Variants in ZNF541 observed in about 807,000 individuals in gnomAD.
The protein encoded by ZNF541 is zinc finger protein 541.
ZNF541 carries 23 observed loss-of-function variants against 123.5 expected under a neutral mutation model. The observed-to-expected ratio is 0.19, with a 90% CI of 0.13 to 0.26. ZNF541 has a LOEUF of 0.26. ZNF541 is among the 10% of genes least tolerant of loss of function. ZNF541 has a pLI of 1.00. For synonymous variants in ZNF541, 751 were observed against 754.5 expected (o/e 1.00, Z 0.08); for missense variants, 1,612 against 1,789.9 (o/e 0.90, Z 1.79).
intron 4 of ZNF541, 91 bp downstream of exon 4, chr19:47,549,154 G>C (rs1970492069): frequency 1.3e-6 from 2 of 1,514,748 alleles, no homozygotes; most frequent in Admixed American, 4.0e-5. Flanking sequence ...CGAGACAGCA[G>C]GTTGATCTGG....
chr19:47,545,253 T>C lies in ZNF541; in HGVS notation c.1276A>G (p.Lys426Glu), dbSNP rs572583087. The C allele has an allele frequency of 7.7e-6, 12 of 1,548,748 alleles. No homozygotes were observed. In the East Asian group the frequency reaches 2.2e-4, roughly 28 times the overall value. ...TGGACAACAAACACGTTGTTGCCTT[T>C]GCTTTTGGGACAGCCCGGCAGGTTC... ...LRNLPGCPKS[K>E]GNNVFVVHKP... Residue 426 changes from lysine to glutamate, a missense_variant, in exon 5 of 17, where the codon AAA (lysine) becomes GAA (glutamate). Coordinates refer to ENST00000391901, the MANE Select transcript of ZNF541 (RefSeq NM_001277075.3). The surrounding 1 kb of genome is among the most constrained non-coding windows in gnomAD (Gnocchi z 7.5).
chr19:47,544,928 G>A lies in ZNF541; in HGVS notation c.1601C>T (p.Ala534Val). 1 of 1,535,626 alleles carries A rather than the reference G, an allele frequency of 6.5e-7. No individual in the cohort carries two copies. Among genetic ancestry groups the A allele is most frequent in the Non-Finnish European group, 8.7e-7 (1 of 1,146,720 alleles). The change falls in exon 5 of 17, where the codon GCC becomes GTC. Residue 534 changes from alanine (A) to valine (V), a missense_variant. Around this residue, in one of 5 missense-constraint regions of ZNF541, gnomAD observed 1,080 missense variants for 1,013.8 expected, o/e 1.07. Coordinates refer to ENST00000391901, the MANE Select transcript of ZNF541 (RefSeq NM_001277075.3). Reference protein sequence around the residue: ...AQKAGGLPADASPLFRQLFLK... With the variant: ...AQKAGGLPADVSPLFRQLFLK... Reference sequence around the variant, plus strand: ...GAAGAGCTGGCGGAAGAGCGGCGAGGCATCCGCAGGGAGCCCGCCTGCCTT... The same window carrying A: ...GAAGAGCTGGCGGAAGAGCGGCGAGACATCCGCAGGGAGCCCGCCTGCCTT...
At chr19:47,556,486 T>C (rs751459771) in intron 2 of ZNF541, among the ~76,000 whole-genome samples, 7 of 152,166 alleles carry the variant, frequency 4.6e-5, no homozygotes, top group Non-Finnish European at 7.3e-5. Context: ...ATGGATAATT[T>C]TTTTTAAGAT....
At chr19:47,533,841 T>A (rs1599961481) in intron 9 of ZNF541, among the ~76,000 whole-genome samples, 1 of 151,770 alleles carries the variant, frequency 6.6e-6, no homozygotes, top group East Asian at 1.9e-4. Flanking sequence ...CTCAAAAAAA[T>A]AAAAAATAAA....
At chr19:47,557,992 G>A (rs969022135) in intron 2 of ZNF541, among the ~76,000 whole-genome samples, 1 of 151,870 alleles carries the variant, frequency 6.6e-6, no homozygotes, top group Non-Finnish European at 1.5e-5. Context: ...AAATGGGCAG[G>A]GGGAGTGGGG....
chr19:47,545,239 C>G lies in ZNF541; in HGVS notation c.1290G>C (p.Val430=). The change falls in exon 5 of 17, where the codon GTG becomes GTC. Residue 430 remains valine, a synonymous_variant. Coordinates refer to ENST00000391901, the MANE Select transcript of ZNF541 (RefSeq NM_001277075.3). This position sits in a 1 kb window ranked among gnomAD's most constrained non-coding sequence, Gnocchi z 7.5. ...CGGCCGAGGGCTTGTGGACAACAAA[C>G]ACGTTGTTGCCTTTGCTTTTGGGAC... is the stretch of plus-strand genomic sequence containing the variant. ...PGCPKSKGNN[V]FVVHKPSAVP... 6.5e-7 allele frequency: 1 copy of G among 1,547,476 alleles called. No individual in the cohort carries two copies. Among genetic ancestry groups the G allele is most frequent in the Non-Finnish European group, 8.7e-7 (1 of 1,146,248 alleles).
intron 8 of ZNF541, 25 bp from the exon 9 acceptor site, chr19:47,538,464 G>C (rs1043245160): frequency 2.0e-5 from 29 of 1,467,726 alleles, no homozygotes; most frequent in African/African-American, 8.5e-5. Flanking sequence ...AACCACAGGT[G>C]GTCGCCTGAA....
intron 12 of ZNF541, among the ~76,000 whole-genome samples, chr19:47,531,131 T>C (rs1401492778): frequency 6.8e-6 from 1 of 148,020 alleles, no homozygotes; most frequent in Non-Finnish European, 1.5e-5. Flanking sequence ...AGCAAGACCA[T>C]GGCATGACTC....
In ZNF541 at chr19:47,545,192, T is replaced by TC; in HGVS notation, c.1336dup (p.Glu446GlyfsTer52). On this transcript the variant is annotated frameshift_variant, in exon 5 of 17. Transcript: ENST00000391901. LOFTEE classifies it high-confidence loss of function. This position sits in a 1 kb window ranked among gnomAD's most constrained non-coding sequence, Gnocchi z 7.5. Reference sequence around the variant, plus strand: ...TCCGCTGCTGGGTCCCGGGCCAGACTCGGAGCCCTCCCGCGAGGGCACGGC... The same window carrying TC: ...TCCGCTGCTGGGTCCCGGGCCAGACTCCGGAGCCCTCCCGCGAGGGCACGGC... 1 of 1,518,910 alleles carries TC rather than the reference T, an allele frequency of 6.6e-7. No individual in the cohort carries two copies. Among genetic ancestry groups the TC allele is most frequent in the Non-Finnish European group, 8.8e-7 (1 of 1,131,482 alleles). The allele number at this position is 1,518,910 out of a possible 1,614,324, so 94.1% of individuals were successfully genotyped here.
chr19:47,536,167 G>A (rs766848586), intron 9 of ZNF541, among the ~76,000 whole-genome samples: 12 of 152,296 alleles, frequency 7.9e-5, no homozygotes, highest in South Asian at 2.1e-4. Flanking sequence ...GCCCTGGGTC[G>A]GCCAGGTGTT....
intron 9 of ZNF541, among the ~76,000 whole-genome samples, chr19:47,536,117 C>T (rs1969807910): frequency 1.3e-5 from 2 of 152,238 alleles, no homozygotes; most frequent in South Asian, 4.1e-4. Flanking sequence ...ATCGCTCATG[C>T]TATTGTTTGT....
chr19:47,534,790 G>T (rs1969741438), intron 9 of ZNF541, among the ~76,000 whole-genome samples: 1 of 152,116 alleles, frequency 6.6e-6, no homozygotes, highest in Admixed American at 6.6e-5. Flanking sequence ...CACGTTTATG[G>T]TCAATTGATT....
In ZNF541 at chr19:47,538,150, G is replaced by A; in HGVS notation, c.3086C>T (p.Ser1029Phe). 5 of 1,550,738 alleles carry A rather than the reference G, an allele frequency of 3.2e-6. No individual in the cohort carries two copies. The highest frequency in any genetic ancestry group is 4.4e-6 in the Non-Finnish European group (5 of 1,146,962). ...GCCCCAGCCTCACTCACCGAGCATG[G>A]AGCTGATGAGCTGGTCAGGGCTGGC... is the stretch of plus-strand genomic sequence containing the variant. ...TQASPDQLIS[S>F]MLDQVDGSFG... The change falls in exon 9 of 17, where the codon TCC becomes TTC. Residue 1029 changes from serine (S) to phenylalanine (F), a missense_variant. Ser to Phe is a radical substitution (Grantham distance 155). Around this residue, in one of 5 missense-constraint regions of ZNF541, gnomAD observed 285 missense variants for 407.3 expected, o/e 0.70. Transcript: ENST00000391901.
intron 2 of ZNF541, among the ~76,000 whole-genome samples, chr19:47,559,484 A>G (rs1970973951): frequency 6.6e-6 from 1 of 152,154 alleles, no homozygotes; most frequent in African/African-American, 2.4e-5. Context: ...AACACCAAAA[A>G]CAAAAAATCA....
intron 14 of ZNF541, among the ~76,000 whole-genome samples, chr19:47,523,663 AG>A (rs1969153433): frequency 6.6e-6 from 1 of 152,198 alleles, no homozygotes; most frequent in Non-Finnish European, 1.5e-5. Context: ...CATTCAACAA[AG>A]GGCAGTGAAC....
chr19:47,566,912 G>A (rs1478162996), intron 2 of ZNF541, among the ~76,000 whole-genome samples: 4 of 147,302 alleles, frequency 2.7e-5, no homozygotes, highest in African/African-American at 5.0e-5. Context: ...TTAGCCAGGC[G>A]TGGTGGCGGG....
At chr19:47,537,876 A>G (rs543353867) in intron 9 of ZNF541, among the ~76,000 whole-genome samples, 18 of 152,258 alleles carry the variant, frequency 1.2e-4, no homozygotes, top group Admixed American at 7.9e-4. Flanking sequence ...CCCTGCCTCA[A>G]AAAAGAAAAA....
At position 47,531,617 on chromosome 19, in the gene ZNF541, G is replaced by A. The variant is rs563391421; in HGVS notation, c.3405+25C>T. ...AGAACCCTGGGCCCCAGGAAAGCAG[G>A]GAGGGTCCCCTTGCTGTTCCTCACC... On this transcript the variant is annotated intron_variant, in intron 12 of 16. Coordinates refer to ENST00000391901, the MANE Select transcript of ZNF541 (RefSeq NM_001277075.3). The A allele has an allele frequency of 6.2e-5, 93 of 1,509,272 alleles. 1 individual carries two copies. In the South Asian group the frequency reaches 1.0e-3, roughly 17 times the overall value. 93.5% of individuals were successfully genotyped at this position (1,509,272 alleles called of 1,614,324 possible).
intron 14 of ZNF541, among the ~76,000 whole-genome samples, chr19:47,528,535 T>C (rs1292879263): frequency 3.9e-5 from 6 of 151,946 alleles, no homozygotes; most frequent in East Asian, 2.0e-4. Context: ...CAGGCTGGTC[T>C]TGAACTCCTG....
Sources: gnomAD v4.1 joint callset for allele counts (sites outside exome capture counted in the v4.1 genomes callset) on GRCh38, gnomAD v4.1.1 for gene constraint, gnomAD v4.1.1 regional missense constraint, Gnocchi (gnomAD v3.1) non-coding constraint, MANE v1.5 for transcripts, NCBI Gene and HGNC (gene_info 2026-07-23, HGNC 2026-07-21) for gene names.